The following PARPBP variants were observed in gnomAD, a reference collection of about 807,000 sequenced individuals.
PARPBP encodes PARP1 binding protein.
Under a neutral mutation model 50.0 loss-of-function variants are expected in PARPBP, and 52 were observed. The ratio of observed to expected loss-of-function variants is 1.04; its 90% CI spans 0.83 to 1.31. PARPBP has a LOEUF of 1.31. Ranked by LOEUF, PARPBP falls within the 50% of genes most tolerant of loss-of-function variation. The probability of loss-of-function intolerance (pLI) is 0.00; values close to 1 mark genes in which losing one functional copy is unlikely to be tolerated. For synonymous variants in PARPBP, 244 were observed against 232.1 expected (o/e 1.05, Z -0.47); for missense variants, 697 against 672.0 (o/e 1.04, Z -0.41).
At chr12:102,159,957 G>C (rs186178730) in intron 4 of PARPBP, among the ~76,000 whole-genome samples, 3 of 152,332 alleles carry the variant, frequency 2.0e-5, no homozygotes, top group Admixed American at 1.3e-4. Context: ...CAAATACTTT[G>C]TGGTATGGAT....
intron 2 of PARPBP, among the ~76,000 whole-genome samples, chr12:102,143,225 G>A (rs543443681): frequency 2.6e-4 from 40 of 152,272 alleles, no homozygotes; most frequent in Middle Eastern, 3.4e-3. Context: ...CTTGCAGTTC[G>A]ATCTCAGACT....
chr12:102,148,945 T>A (rs1487613640), intron 3 of PARPBP: 1 of 152,394 alleles, frequency 6.6e-6, no homozygotes. Context: ...TATTCTTTTT[T>A]TGCACAAGCA....
At chr12:102,162,514 A>G (rs1370997719) in intron 4 of PARPBP, among the ~76,000 whole-genome samples, 1 of 152,166 alleles carries the variant, frequency 6.6e-6, no homozygotes. Context: ...TAGGAAGAAA[A>G]TTCCATGCAA....
intron 4 of PARPBP, among the ~76,000 whole-genome samples, chr12:102,156,255 C>T (rs960261163): frequency 4.6e-5 from 6 of 129,670 alleles, no homozygotes; most frequent in East Asian, 2.5e-4. Flanking sequence ...GGCGCAATCT[C>T]GGCTCATTGG....
At chr12:102,189,666 T>C (rs1890619636) in intron 9 of PARPBP, among the ~76,000 whole-genome samples, 1 of 152,034 alleles carries the variant, frequency 6.6e-6, no homozygotes, top group Non-Finnish European at 1.5e-5. Context: ...AAACAACTGA[T>C]GATGAAAGTA....
intron 6 of PARPBP, among the ~76,000 whole-genome samples, chr12:102,171,537 A>T (rs1468531047): frequency 6.6e-6 from 1 of 152,118 alleles, no homozygotes; most frequent in Non-Finnish European, 1.5e-5. Flanking sequence ...GAAATTTTTC[A>T]GTCTAATCTC....
chr12:102,187,566 T>TCC (rs1890410606), intron 9 of PARPBP, among the ~76,000 whole-genome samples: 1 of 152,158 alleles, frequency 6.6e-6, no homozygotes, highest in East Asian at 1.9e-4. Context: ...CTCTGGTATA[T>TCC]ACAATATGTA....
At chr12:102,171,636 G>T (rs139212170) in intron 6 of PARPBP, among the ~76,000 whole-genome samples, 3,786 of 152,164 alleles carry the variant, frequency 0.025, 142 homozygotes, top group African/African-American at 0.076. Context: ...GGAGGCCGAG[G>T]CGGGCGGATC....
intron 4 of PARPBP, 95 bp downstream of exon 4, chr12:102,154,071 A>T: frequency 4.2e-6 from 3 of 717,016 alleles, no homozygotes; most frequent in Admixed American, 2.4e-5. Context: ...CTTTGTAAAA[A>T]TTTTTTTAAC....
intron 2 of PARPBP, among the ~76,000 whole-genome samples, chr12:102,138,063 C>G (rs1342796749): frequency 2.6e-5 from 4 of 152,150 alleles, no homozygotes; most frequent in Non-Finnish European, 5.9e-5. Flanking sequence ...AGTTCTAGAT[C>G]CCTGAGGAAT....
chr12:102,150,540 A>G (rs1886050777), intron 3 of PARPBP, among the ~76,000 whole-genome samples: 1 of 152,226 alleles, frequency 6.6e-6, no homozygotes, highest in Admixed American at 6.5e-5. Context: ...TCACTTAAAC[A>G]GTGCCCCTTC....
intron 9 of PARPBP, among the ~76,000 whole-genome samples, chr12:102,194,579 A>G (rs1482851035): frequency 1.3e-5 from 2 of 151,894 alleles, no homozygotes; most frequent in Admixed American, 6.6e-5. Flanking sequence ...TCAGTGATCA[A>G]GAATTGAGTT....
chr12:102,165,805 C>G lies in PARPBP; in HGVS notation c.743C>G (p.Thr248Arg). The change falls in exon 6 of 11, where the codon ACA (threonine) becomes AGA (arginine). Residue 248 changes from threonine to arginine, a missense_variant. Thr to Arg is a moderately conservative substitution (Grantham distance 71). Transcript: ENST00000327680. ...YAPPPSDPLRTHVKGLSNFIN... is the reference protein window; with the variant it reads ...YAPPPSDPLRRHVKGLSNFIN... ...CCACCACCATCAGATCCTTTAAGGA[C>G]ACATGTAAAGGGATTGTCTAATTTT... The G allele has an allele frequency of 6.3e-7, 1 of 1,588,356 alleles. No homozygotes were observed. Among genetic ancestry groups the G allele is most frequent in the Non-Finnish European group, 8.6e-7 (1 of 1,157,060 alleles).
Position 102,176,960 on chromosome 12 carries a change from A to T in PARPBP, c.1005+1294A>T, listed in dbSNP as rs184624696. On this transcript the variant is annotated intron_variant, in intron 7 of 10. Coordinates refer to ENST00000327680, the MANE Select transcript of PARPBP (RefSeq NM_017915.5). Reference sequence around the variant, plus strand: ...CAGAATCTGTCAACTTCAAATAATTAAAAACATCAATTGCTTCCATTTCTT... The same window carrying T: ...CAGAATCTGTCAACTTCAAATAATTTAAAACATCAATTGCTTCCATTTCTT... Among the ~76,000 whole-genome samples, 491 of 152,342 alleles carry T rather than the reference A, an allele frequency of 3.2e-3. 4 individuals carry two copies. Among genetic ancestry groups the T allele is most frequent in the Middle Eastern group, 0.014 (4 of 294 alleles).
intron 7 of PARPBP, among the ~76,000 whole-genome samples, chr12:102,176,387 C>T (rs923501887): frequency 1.3e-5 from 2 of 152,206 alleles, no homozygotes; most frequent in Non-Finnish European, 2.9e-5. Context: ...AGGACAACAA[C>T]AGTCCTGTTA....
intron 6 of PARPBP, among the ~76,000 whole-genome samples, chr12:102,166,882 G>T (rs2136285216): frequency 6.6e-6 from 1 of 152,190 alleles, no homozygotes; most frequent in Non-Finnish European, 1.5e-5. Context: ...AAATAACTTA[G>T]AGACAAAATA....
chr12:102,139,151 TCTTTTATTTCATTGAG>T (rs1283704378), intron 2 of PARPBP, among the ~76,000 whole-genome samples: 21 of 152,238 alleles, frequency 1.4e-4, no homozygotes, highest in Non-Finnish European at 2.9e-4. Context: ...GTCTGTGTCC[TCTTTTATTTCATTGAG>T]CAGTGGTTTG....
At chr12:102,145,096 T>G (rs183503669) in intron 2 of PARPBP, among the ~76,000 whole-genome samples, 58 of 152,244 alleles carry the variant, frequency 3.8e-4, no homozygotes, top group Non-Finnish European at 6.5e-4. Flanking sequence ...TAAATGTGGA[T>G]AGTAAGTACT....
chr12:102,169,195 T>C (rs922902597), intron 6 of PARPBP, among the ~76,000 whole-genome samples: 2 of 152,202 alleles, frequency 1.3e-5, no homozygotes, highest in Non-Finnish European at 2.9e-5. Flanking sequence ...TTGGTCTCTT[T>C]TGAGTCTTCA....
Sources: gnomAD v4.1 joint callset for allele counts (sites outside exome capture counted in the v4.1 genomes callset) on GRCh38, gnomAD v4.1.1 for gene constraint, MANE v1.5 for transcripts, NCBI Gene and HGNC (gene_info 2026-07-23, HGNC 2026-07-21) for gene names.